The following TRIM7 variants were observed in gnomAD, a reference collection of about 807,000 sequenced individuals.
The protein encoded by TRIM7 is tripartite motif containing 7.
Under a neutral mutation model 37.9 loss-of-function variants are expected in TRIM7, and 32 were observed. That is an observed-to-expected ratio of 0.84 (90% CI 0.64 to 1.13). The LOEUF is 1.13. Ranked by LOEUF, TRIM7 falls within the 50% of genes most tolerant of loss-of-function variation. The pLI, the probability that TRIM7 is intolerant of heterozygous loss-of-function variation, is 0.00. For synonymous variants in TRIM7, 351 were observed against 321.3 expected (o/e 1.09, Z -0.99); for missense variants, 732 against 714.0 (o/e 1.03, Z -0.29).
At chr5:181,199,148 G>C in intron 3 of TRIM7, 31 bp from the exon 4 acceptor site, 1 of 1,613,988 alleles carries the variant, frequency 6.2e-7, no homozygotes, top group Non-Finnish European at 8.5e-7. Flanking sequence ...AACCAAATCA[G>C]CATCAGGTAA....
rs2113098549 is a variant in TRIM7 at position 181,204,759 on chromosome 5, A to C, written c.352T>G (p.Ser118Ala). 1 of 1,448,472 alleles carries C rather than the reference A, an allele frequency of 6.9e-7. No individual in the cohort carries two copies. Among genetic ancestry groups the C allele is most frequent in the Non-Finnish European group, 9.0e-7 (1 of 1,110,324 alleles). 89.7% of individuals were successfully genotyped at this position (1,448,472 alleles called of 1,614,324 possible). A position where few individuals can be genotyped will look rare whatever the true frequency, so the allele number is the denominator to read the frequency against. ...LPAAAPGEHG[S>A]QAAAARAAAA... ...GCTGCCCGGGCCGCGGCCGCCTGAGACCCGTGCTCTCCCGGGGCAGCCGCG... is the reference window on the plus strand; with the variant it reads ...GCTGCCCGGGCCGCGGCCGCCTGAGCCCCGTGCTCTCCCGGGGCAGCCGCG... Residue 118 changes from serine (S) to alanine (A), a missense_variant, in exon 1 of 7, where the codon TCT becomes GCT. By Grantham distance (99) the Ser-to-Ala change is moderately conservative. Coordinates refer to ENST00000274773, the MANE Select transcript of TRIM7 (RefSeq NM_203293.3).
chr5:181,195,532 G>C lies in TRIM7; in HGVS notation c.1170C>G (p.Cys390Trp). Residue 390 changes from cysteine to tryptophan, a missense_variant, in exon 7 of 7, where the codon TGC (cysteine) becomes TGG (tryptophan). By Grantham distance (215) the Cys-to-Trp change is radical. Transcript: ENST00000274773. ...FDTNTRVLAS[C>W]GFSSGRHHWE... The stretch of plus-strand genomic sequence containing the variant: ...AGTGATGCCGGCCCGAGGAGAAGCC[G>C]CAGGACGCCAGGACGCGGGTGTTGG... 1.2e-6 allele frequency: 2 copies of C among 1,612,556 alleles called. No individual in the cohort carries two copies. The highest frequency in any genetic ancestry group is 8.5e-7 in the Non-Finnish European group (1 of 1,179,326).
In TRIM7 at chr5:181,205,087, G is replaced by A; in HGVS notation, c.24C>T (p.Thr8=). Residue 8 remains threonine (T), a synonymous_variant, in exon 1 of 7, where the codon ACC becomes ACT. Transcript: ENST00000274773. ...GAGCCTCGGCGCCGGTTCCGGGGCC[G>A]GTCCGCGGTCCCACAGCCGCCATGC... MAAVGPR[T]GPGTGAEALA... 1 of 1,349,298 alleles carries A rather than the reference G, an allele frequency of 7.4e-7. No individual in the cohort carries two copies. The highest frequency in any genetic ancestry group is 1.8e-5 in the South Asian group (1 of 56,364). The allele number at this position is 1,349,298 out of a possible 1,614,324, so 83.6% of individuals were successfully genotyped here.
intron 2 of TRIM7, chr5:181,201,062 G>T: frequency 3.1e-6 from 1 of 321,698 alleles, no homozygotes; most frequent in Non-Finnish European, 4.5e-6. Context: ...TGTTAAGCCA[G>T]GCTTCTCGGC....
intron 6 of TRIM7, 41 bp from the exon 7 acceptor site, chr5:181,195,718 G>A (rs372053168): frequency 2.0e-6 from 3 of 1,507,420 alleles, no homozygotes; most frequent in South Asian, 2.7e-5. Context: ...ACGCAGCCAG[G>A]CCCCTGGCAC....
rs1287347345 is a variant in TRIM7, at chr5:181,198,752, T to C, written c.926A>G (p.Asn309Ser). The part of the protein sequence containing the change: ...KPTTVSSEMK[N>S]KVWNVSLKTF... ...CTTGAGAGAAACATTCCAGACTTTA[T>C]TCTTCATCTCAGAAGAGACTGTGGT... Residue 309 changes from asparagine to serine, a missense_variant, in exon 5 of 7, where the codon AAT becomes AGT. Transcript: ENST00000274773. The C allele has an allele frequency of 6.2e-7, 1 of 1,614,160 alleles. No individual in the cohort carries two copies. Among genetic ancestry groups the C allele is most frequent in the Non-Finnish European group, 8.5e-7 (1 of 1,180,020 alleles).
chr5:181,200,174 C>G (rs78866624), intron 2 of TRIM7, 93 bp from the exon 3 acceptor site: 2 of 1,606,202 alleles, frequency 1.2e-6, no homozygotes, highest in Middle Eastern at 1.7e-4. Context: ...AAGGCTTCGT[C>G]CCTGTCACTG....
At chr5:181,200,254 C>T (rs1167221269) in intron 2 of TRIM7, 173 bp from the exon 3 acceptor site, 14 of 1,485,390 alleles carry the variant, frequency 9.4e-6, no homozygotes. Context: ...CAGCTCTGAA[C>T]AAGCTGTAGT....
In TRIM7 at chr5:181,204,597, C is replaced by G. The variant is rs1254209058; in HGVS notation, c.514G>C (p.Glu172Gln). ...AVLPLDEAVQ[E>Q]AKELLESRLR... Reference sequence around the variant, plus strand: ...GTGGGGGCTGCGCTCACCTTGGCCTCCTGCACCGCCTCGTCCAGCGGCAGC... The same window carrying G: ...GTGGGGGCTGCGCTCACCTTGGCCTGCTGCACCGCCTCGTCCAGCGGCAGC... Residue 172 changes from glutamate to glutamine, a missense_variant, in exon 1 of 7, where the codon GAG (glutamate) becomes CAG (glutamine). Glu to Gln is a conservative substitution (Grantham distance 29). Coordinates refer to ENST00000274773, the MANE Select transcript of TRIM7 (RefSeq NM_203293.3). The G allele has an allele frequency of 2.1e-6, 3 of 1,438,478 alleles. No homozygotes were observed. The highest frequency in any genetic ancestry group is 2.7e-6 in the Non-Finnish European group (3 of 1,105,922). 89.1% of individuals were successfully genotyped at this position (1,438,478 alleles called of 1,614,324 possible). A position where few individuals can be genotyped will look rare whatever the true frequency, so the allele number is the denominator to read the frequency against.
In TRIM7 at chr5:181,204,491, C is replaced by T. The variant is rs895305618; in HGVS notation, c.522+98G>A. The T allele has an allele frequency of 7.1e-5, 88 of 1,243,184 alleles. 1 individual carries two copies. Among genetic ancestry groups the T allele is most frequent in the Non-Finnish European group, 8.5e-5 (83 of 975,556 alleles). 77.0% of individuals were successfully genotyped at this position (1,243,184 alleles called of 1,614,324 possible). ...AGAAGGGAGGGGCTCACCCGGGCCT[C>T]CTGATCGACAGGCTGTTCTCTGCAC... On this transcript the variant is annotated intron_variant, in intron 1 of 6. Transcript: ENST00000274773.
intron 6 of TRIM7, chr5:181,197,893 G>A (rs1757228559): frequency 8.2e-6 from 4 of 490,436 alleles, no homozygotes; most frequent in African/African-American, 1.9e-5. Flanking sequence ...AGTGGGGACC[G>A]GGTAGAGGCT....
intron 6 of TRIM7, chr5:181,197,032 C>T (rs998330587): frequency 6.6e-6 from 1 of 152,134 alleles, no homozygotes; most frequent in East Asian, 1.9e-4. Context: ...TGGTAGTGTG[C>T]TCCTGTAGTC....
At chr5:181,200,217 G>C in intron 2 of TRIM7, 136 bp from the exon 3 acceptor site, 2 of 1,558,434 alleles carry the variant, frequency 1.3e-6, no homozygotes, top group Middle Eastern at 1.9e-4. Context: ...ACCTACGCAC[G>C]CAGTGCGTGC....
rs370271832 is a variant in TRIM7 at position 181,195,244 on chromosome 5, G to A, written c.1458C>T (p.Phe486=). The A allele has an allele frequency of 6.8e-6, 11 of 1,612,804 alleles. No homozygotes were observed. The highest frequency in any genetic ancestry group is 5.5e-5 in the South Asian group (5 of 90,940). The part of the protein sequence containing the change: ...AVEDMRHLYT[F]RVNFQERVFP... ...ACACGCGCTCCTGGAAGTTGACGCG[G>A]AAGGTGTAGAGGTGGCGCATGTCCT... Residue 486 remains phenylalanine, a synonymous_variant, in exon 7 of 7, where the codon TTC becomes TTT. Transcript: ENST00000274773.
intron 2 of TRIM7, chr5:181,201,006 A>C: frequency 2.6e-6 from 2 of 763,010 alleles, no homozygotes; most frequent in Non-Finnish European, 3.2e-6. Flanking sequence ...ACTTCCCTTC[A>C]AGTCTTACAG....
At position 181,204,922 on chromosome 5, in the gene TRIM7, C is replaced by T; in HGVS notation, c.189G>A (p.Gly63=). The change falls in exon 1 of 7, where the codon GGG becomes GGA. Residue 63 remains glycine, a synonymous_variant. Coordinates refer to ENST00000274773, the MANE Select transcript of TRIM7 (RefSeq NM_203293.3). ...GCGCGCGGGTGGCGGCCCCAACAGA[C>T]CCCGCGCCCGGGCGCTCCCAGCAGC... is the stretch of plus-strand genomic sequence containing the variant. ...IGRCWERPGA[G]SVGAATRAPP... 7.1e-7 allele frequency: 1 copy of T among 1,401,752 alleles called. No individual in the cohort carries two copies. Among genetic ancestry groups the T allele is most frequent in the African/African-American group, 1.5e-5 (1 of 65,840 alleles). The allele number at this position is 1,401,752 out of a possible 1,614,324, so 86.8% of individuals were successfully genotyped here.
At chr5:181,203,431 A>C (rs1177324901) in intron 2 of TRIM7, 114 bp downstream of exon 2, 1 of 1,533,294 alleles carries the variant, frequency 6.5e-7, no homozygotes, top group African/African-American at 1.4e-5. Flanking sequence ...ATCTTTCTGA[A>C]ATCGATTCTG....
chr5:181,195,365 G>A lies in TRIM7; in HGVS notation c.1337C>T (p.Thr446Ile). 1.3e-6 allele frequency: 2 copies of A among 1,580,076 alleles called. No homozygotes were observed. The highest frequency in any genetic ancestry group is 1.7e-6 in the Non-Finnish European group (2 of 1,163,590). Residue 446 changes from threonine to isoleucine, a missense_variant, in exon 7 of 7, where the codon ACC becomes ATC. By Grantham distance (89) the Thr-to-Ile change is moderately conservative (BLOSUM62 -1). Transcript: ENST00000274773. The part of the protein sequence containing the change: ...QLNGGQYWAV[T>I]SPERSPLSCG... ...GCTGAGGGGCGACCGCTCGGGGCTG[G>A]TCACGGCCCAGTACTGGCCGCCGTT...
rs1431234283 is a variant in TRIM7 at position 181,204,485 on chromosome 5, G to A, written c.522+104C>T. On this transcript the variant is annotated intron_variant, in intron 1 of 6. Transcript: ENST00000274773. Reference sequence around the variant, plus strand: ...GGAGAAAGAAGGGAGGGGCTCACCCGGGCCTCCTGATCGACAGGCTGTTCT... The same window carrying A: ...GGAGAAAGAAGGGAGGGGCTCACCCAGGCCTCCTGATCGACAGGCTGTTCT... 3.3e-6 allele frequency: 4 copies of A among 1,222,692 alleles called. No individual in the cohort carries two copies. The South Asian group carries it at 9.4e-5, about 29-fold the overall frequency. The allele number at this position is 1,222,692 out of a possible 1,614,324, so 75.7% of individuals were successfully genotyped here.
Sources: gnomAD v4.1 joint callset for allele counts on GRCh38, gnomAD v4.1.1 for gene constraint, MANE v1.5 for transcripts, NCBI Gene and HGNC (gene_info 2026-07-23, HGNC 2026-07-21) for gene names.